PHF20: variants seen among roughly 807,000 people sequenced by gnomAD.
PHF20 encodes glioma-expressed antigen 2.
Under a neutral mutation model 113.5 loss-of-function variants are expected in PHF20, and 23 were observed. The observed-to-expected ratio is 0.20, with a 90% CI of 0.15 to 0.29. The LOEUF (loss-of-function observed/expected upper bound fraction) is 0.29. Ranked by LOEUF, PHF20 falls within the 10% of genes least tolerant of loss-of-function variation. The pLI, the probability that PHF20 is intolerant of heterozygous loss-of-function variation, is 1.00. For synonymous variants in PHF20, 434 were observed against 457.3 expected, an observed-to-expected ratio of 0.95 and a Z score of 0.65; for missense variants, 943 against 1,219.6, an observed-to-expected ratio of 0.77 and a Z score of 3.38.
chr20:35,944,000 A>C (rs958388652), intron 17 of PHF20, among the ~76,000 whole-genome samples: 5 of 152,138 alleles, frequency 3.3e-5, no homozygotes, highest in African/African-American at 9.7e-5. Flanking sequence ...TAGAGAGATT[A>C]TTTTCTTAAA....
chr20:35,772,699 A>G (rs945355113), intron 1 of PHF20, among the ~76,000 whole-genome samples: 1 of 151,650 alleles, frequency 6.6e-6, no homozygotes, highest in Non-Finnish European at 1.5e-5. Context: ...TCAGCCCCCA[A>G]AGTGGGAGCA....
intron 9 of PHF20, among the ~76,000 whole-genome samples, chr20:35,898,703 C>T (rs542804394): frequency 5.6e-4 from 86 of 152,266 alleles, no homozygotes; most frequent in African/African-American, 2.0e-3. Context: ...CTCCGCCTCC[C>T]GGGTTCAAGC....
At chr20:35,888,066 C>T (rs1413383729) in intron 9 of PHF20, among the ~76,000 whole-genome samples, 13 of 151,728 alleles carry the variant, frequency 8.6e-5, no homozygotes, top group African/African-American at 2.9e-4. Context: ...CCGCAACCTC[C>T]GCCTCCCTGG....
intron 4 of PHF20, among the ~76,000 whole-genome samples, chr20:35,857,666 A>C (rs1600835160): frequency 7.0e-6 from 1 of 142,424 alleles, no homozygotes; most frequent in African/African-American, 2.6e-5. Context: ...GCTCACTGCA[A>C]CCTCCGCCTC....
chr20:35,807,612 TA>T (rs761534689), intron 2 of PHF20, among the ~76,000 whole-genome samples: 1 of 151,894 alleles, frequency 6.6e-6, no homozygotes, highest in Non-Finnish European at 1.5e-5. Context: ...CTCGGCTTCC[TA>T]AAGTGCTGGG....
At chr20:35,937,555 C>A (rs527460722) in intron 15 of PHF20, among the ~76,000 whole-genome samples, 1 of 151,838 alleles carries the variant, frequency 6.6e-6, no homozygotes, top group South Asian at 2.1e-4. Context: ...GTAGATGAAG[C>A]CTCCAGGTAG....
At chr20:35,882,585 G>A (rs1366977664) in intron 9 of PHF20, among the ~76,000 whole-genome samples, 4 of 152,176 alleles carry the variant, frequency 2.6e-5, no homozygotes, top group African/African-American at 9.7e-5. Flanking sequence ...GTGGCACCAA[G>A]CCTGGCTAAT....
At chr20:35,897,815 C>T (rs1417424564) in intron 9 of PHF20, among the ~76,000 whole-genome samples, 1 of 151,220 alleles carries the variant, frequency 6.6e-6, no homozygotes, top group South Asian at 2.1e-4. Context: ...GATCTGCCTG[C>T]CTCGGCCTCC....
chr20:35,899,414 G>A lies in PHF20; in HGVS notation c.1327G>A (p.Ala443Thr), dbSNP rs1310677388. Residue 443 changes from alanine (A) to threonine (T), a missense_variant, in exon 10 of 18, where the codon GCA (alanine) becomes ACA (threonine). By Grantham distance (58) the Ala-to-Thr change is moderately conservative. Transcript: ENST00000374012. ...AACAGATGATTTTGGGTCATCTAAT[G>A]CACCAGCTGTCGACCTAGACCATAA... ...KKTDDFGSSN[A>T]PAVDLDHKFR... 29 of 1,613,470 alleles carry A rather than the reference G, an allele frequency of 1.8e-5. No homozygotes were observed. Among genetic ancestry groups the A allele is most frequent in the Non-Finnish European group, 2.4e-5 (28 of 1,179,594 alleles).
Position 35,945,783 on chromosome 20 carries a change from G to A in PHF20, c.2897-1702G>A, listed in dbSNP as rs73618556. The stretch of plus-strand genomic sequence containing the variant: ...CTTAGGGAAGAACAAACATCTTTCT[G>A]TAGAGAAATACTTGTTCTCACAAGC... On this transcript the variant is annotated intron_variant, in intron 17 of 17. Coordinates refer to ENST00000374012, the MANE Select transcript of PHF20 (RefSeq NM_016436.5). Among the ~76,000 whole-genome samples, 1,346 of 152,224 alleles carry A rather than the reference G, an allele frequency of 8.8e-3. 8 individuals carry two copies. Among genetic ancestry groups the A allele is most frequent in the East Asian group, 0.039 (205 of 5,190 alleles).
chr20:35,797,349 C>T (rs2041686464), intron 1 of PHF20, among the ~76,000 whole-genome samples: 1 of 151,552 alleles, frequency 6.6e-6, no homozygotes, highest in African/African-American at 2.4e-5. Flanking sequence ...TCTGTCTCTA[C>T]TAAAAATGCA....
chr20:35,774,518 C>T (rs2041134061), intron 1 of PHF20: 1 of 152,190 alleles, frequency 6.6e-6, no homozygotes, highest in Non-Finnish European at 1.5e-5. Flanking sequence ...GCCTGAACCC[C>T]CAACCAGATT....
At chr20:35,855,749 C>A (rs1173740307) in intron 4 of PHF20, among the ~76,000 whole-genome samples, 1 of 152,122 alleles carries the variant, frequency 6.6e-6, no homozygotes, top group Non-Finnish European at 1.5e-5. Context: ...TCTTGGCTCA[C>A]TGCAACCTCC....
At chr20:35,923,445 T>A (rs1341374415) in intron 13 of PHF20, among the ~76,000 whole-genome samples, 1 of 152,164 alleles carries the variant, frequency 6.6e-6, no homozygotes, top group African/African-American at 2.4e-5. Context: ...TACAAGAAAT[T>A]AAATAAAAAT....
chr20:35,889,233 C>T (rs1292151103), intron 9 of PHF20, among the ~76,000 whole-genome samples: 1 of 151,914 alleles, frequency 6.6e-6, no homozygotes, highest in African/African-American at 2.4e-5. Context: ...CCAGGCTAGT[C>T]TCGAACTCCT....
At position 35,871,429 on chromosome 20, in the gene PHF20, T is replaced by C. The variant is rs114499086; in HGVS notation, c.1103-221T>C. ...TCTGCTGCCATCTCATTCGTGCCTT[T>C]GTGTTTATACTTCCAGCTATTTTTC... On this transcript the variant is annotated intron_variant, in intron 8 of 17. Coordinates refer to ENST00000374012, the MANE Select transcript of PHF20 (RefSeq NM_016436.5). 4.7e-3 allele frequency among the ~76,000 whole-genome samples: 710 copies of C among 152,276 alleles called. 1 individual carries two copies. Among genetic ancestry groups the C allele is most frequent in the African/African-American group, 0.016 (664 of 41,552 alleles).
intron 17 of PHF20, among the ~76,000 whole-genome samples, chr20:35,946,883 T>C (rs1333996667): frequency 1.3e-5 from 2 of 152,046 alleles, no homozygotes; most frequent in Non-Finnish European, 2.9e-5. Flanking sequence ...CTAATTTTTG[T>C]ATTTTTAGTG....
chr20:35,921,010 G>T (rs551738579), intron 13 of PHF20, among the ~76,000 whole-genome samples: 2 of 152,278 alleles, frequency 1.3e-5, no homozygotes, highest in African/African-American at 4.8e-5. Flanking sequence ...GTGAATGGTG[G>T]GCATATTCCC....
Position 35,818,274 on chromosome 20 carries a change from C to CAAAAA in PHF20, c.83+16671_83+16675dup, listed in dbSNP as rs1475351430. Among the ~76,000 whole-genome samples the CAAAAA allele has an allele frequency of 2.8e-4, 42 of 151,738 alleles. No individual in the cohort carries two copies. In the East Asian group the frequency reaches 7.9e-3, roughly 29 times the overall value. On this transcript the variant is annotated intron_variant, in intron 2 of 17. Transcript: ENST00000374012. ...TGGGTGACAGAGCAAGACTCCGTCT[C>CAAAAA]AAAAAACAAAACAAAACAAAACAAA...
Sources: gnomAD v4.1 joint callset for allele counts (sites outside exome capture counted in the v4.1 genomes callset) on GRCh38, gnomAD v4.1.1 for gene constraint, MANE v1.5 for transcripts, NCBI Gene and HGNC (gene_info 2026-07-23, HGNC 2026-07-21) for gene names.